PSD3: variants seen among roughly 807,000 people sequenced by gnomAD.
The protein encoded by PSD3 is PH and SEC7 domain-containing protein 3.
Under a neutral mutation model 105.5 loss-of-function variants are expected in PSD3, and 49 were observed. That is an observed-to-expected ratio of 0.46 (90% CI 0.37 to 0.59). The LOEUF (loss-of-function observed/expected upper bound fraction) is 0.59, where lower values mean the gene tolerates loss of function less well. Among genes scored for constraint, PSD3 ranks in the 20% least tolerant of loss-of-function variants. The pLI is 0.00. For synonymous variants in PSD3, 557 were observed against 457.8 expected, an observed-to-expected ratio of 1.22 and a Z score of -2.77; for missense variants, 1,561 against 1,263.8, an observed-to-expected ratio of 1.24 and a Z score of -3.57.
intron 1 of PSD3, among the ~76,000 whole-genome samples, chr8:18,987,001 T>C (rs962622745): frequency 6.6e-6 from 1 of 152,190 alleles, no homozygotes. Context: ...CGCCAAGGTC[T>C]GATCTTTTCA....
intron 12 of PSD3, among the ~76,000 whole-genome samples, chr8:18,582,984 C>A: frequency 6.6e-6 from 1 of 152,114 alleles, no homozygotes; most frequent in Non-Finnish European, 1.5e-5. Context: ...CGTGCCACCA[C>A]GCCTGGCTAA....
intron 11 of PSD3, among the ~76,000 whole-genome samples, chr8:18,604,205 T>G (rs902980849): frequency 6.6e-6 from 1 of 152,166 alleles, no homozygotes; most frequent in African/African-American, 2.4e-5. Context: ...GGCAGTGATA[T>G]GGACAGCAAA....
chr8:18,708,321 C>T (rs1472821400), intron 9 of PSD3, among the ~76,000 whole-genome samples: 1 of 152,166 alleles, frequency 6.6e-6, no homozygotes, highest in African/African-American at 2.4e-5. Context: ...AAATAAGAGA[C>T]TGTGGTAAAG....
intron 4 of PSD3, among the ~76,000 whole-genome samples, chr8:18,831,387 C>T (rs549407464): frequency 2.0e-5 from 3 of 152,266 alleles, no homozygotes; most frequent in African/African-American, 7.2e-5. Flanking sequence ...GTTTGATCAC[C>T]GTATTTTTAG....
intron 15 of PSD3, among the ~76,000 whole-genome samples, chr8:18,541,228 G>C (rs952723410): frequency 6.7e-6 from 1 of 149,620 alleles, no homozygotes; most frequent in Non-Finnish European, 1.5e-5. Context: ...TGAGGGTAAG[G>C]ACTTTGCGTT....
chr8:19,068,527 G>A (rs1426227637), intron 1 of PSD3, among the ~76,000 whole-genome samples: 1 of 152,098 alleles, frequency 6.6e-6, no homozygotes, highest in Non-Finnish European at 1.5e-5. Context: ...CTGGCCTCAA[G>A]CAATCCTTCC....
chr8:18,790,592 A>G (rs781220887), intron 8 of PSD3, among the ~76,000 whole-genome samples: 4 of 151,982 alleles, frequency 2.6e-5, no homozygotes, highest in Non-Finnish European at 2.9e-5. Flanking sequence ...GTGAGCCACT[A>G]CGCCTGGCCA....
chr8:19,060,563 G>A (rs142161897), intron 1 of PSD3, among the ~76,000 whole-genome samples: 1 of 152,300 alleles, frequency 6.6e-6, no homozygotes, highest in East Asian at 1.9e-4. Context: ...GAGCCCAGGA[G>A]TTCAAGGCTA....
chr8:18,721,533 T>A (rs536807430), intron 9 of PSD3, among the ~76,000 whole-genome samples: 1 of 152,322 alleles, frequency 6.6e-6, no homozygotes, highest in South Asian at 2.1e-4. Flanking sequence ...AATAATGCAA[T>A]GTCTCATTTT....
intron 4 of PSD3, among the ~76,000 whole-genome samples, chr8:18,858,303 CT>C (rs931150463): frequency 6.6e-6 from 1 of 152,170 alleles, no homozygotes; most frequent in Non-Finnish European, 1.5e-5. Context: ...TAAAAACAAA[CT>C]TTATTGCTAA....
At chr8:18,582,556 ACC>A (rs1258733869) in intron 12 of PSD3, among the ~76,000 whole-genome samples, 1 of 152,056 alleles carries the variant, frequency 6.6e-6, no homozygotes, top group East Asian at 1.9e-4. Context: ...GGCTTAAATT[ACC>A]AATTTTTTGT....
chr8:18,750,350 G>T (rs10111500), intron 9 of PSD3, among the ~76,000 whole-genome samples: 5,431 of 152,116 alleles, frequency 0.036, 234 homozygotes, highest in East Asian at 0.2. Context: ...GCTGGCTCAG[G>T]AGTGAAGCTG....
chr8:18,970,935 C>T (rs564017721), intron 1 of PSD3, among the ~76,000 whole-genome samples: 114 of 150,816 alleles, frequency 7.6e-4, no homozygotes, highest in Middle Eastern at 3.4e-3. Context: ...GCCGAGATCA[C>T]ACCACTGCAC....
chr8:18,809,006 A>C, intron 4 of PSD3: 1 of 1,154,814 alleles, frequency 8.7e-7, no homozygotes, highest in African/African-American at 1.6e-5. Context: ...CCAGAACACA[A>C]GGGCCACTGT....
At chr8:18,737,231 C>A (rs561831381) in intron 9 of PSD3, among the ~76,000 whole-genome samples, 4 of 152,166 alleles carry the variant, frequency 2.6e-5, no homozygotes, top group Non-Finnish European at 5.9e-5. Context: ...CTGAGAAACA[C>A]TGCATTAGTT....
chr8:18,882,846 T>TAC (rs139256546), intron 2 of PSD3, among the ~76,000 whole-genome samples: 2,528 of 150,212 alleles, frequency 0.017, 67 homozygotes, highest in African/African-American at 0.05. Flanking sequence ...TAGATATATA[T>TAC]ACACACACAC....
chr8:18,691,351 C>T lies in PSD3; in HGVS notation c.2173-35666G>A, dbSNP rs189510751. Among the ~76,000 whole-genome samples the T allele has an allele frequency of 6.0e-4, 92 of 152,300 alleles. 3 individuals are homozygous for T. In the East Asian group the frequency reaches 9.5e-3, roughly 16 times the overall value. ...AAGTACGGACAATGCAGAACAAAGA[C>T]GGCCTCTGTGTGTTCACACACTTAA... On this transcript the variant is annotated intron_variant, in intron 9 of 15. Coordinates refer to ENST00000327040, the MANE Select transcript of PSD3 (RefSeq NM_015310.4).
rs774337822 is a variant in PSD3 at position 18,993,625 on chromosome 8, ATTC to A, written c.21+19935_21+19937del. ...ATGAGTATTAGAGCTTATCCCCCCA[ATTC>A]AGTTGTATGCTTTAGCTCTCAATAA... On this transcript the variant is annotated intron_variant, in intron 1 of 15. Coordinates refer to ENST00000327040, the MANE Select transcript of PSD3 (RefSeq NM_015310.4). 9.1e-4 allele frequency among the ~76,000 whole-genome samples: 138 copies of A among 152,096 alleles called. 3 individuals are homozygous for A. The highest frequency in any genetic ancestry group is 3.4e-3 in the Middle Eastern group (1 of 292).
In PSD3 at chr8:19,044,511, T is replaced by C. The variant is rs1828245775; in HGVS notation, c.324+39695A>G. ...CATGATTGTTGAATAGATTAAATAA[T>C]ATTATATCAATTATATCCTAGAAAG... On this transcript the variant is annotated intron_variant, in intron 1 of 1. Transcript: ENST00000521475. 4.6e-5 allele frequency among the ~76,000 whole-genome samples: 7 copies of C among 152,242 alleles called. No homozygotes were observed. The South Asian group carries it at 1.4e-3, about 31-fold the overall frequency.
Sources: allele counts gnomAD v4.1 joint callset (sites outside exome capture counted in the v4.1 genomes callset), GRCh38; gene constraint gnomAD v4.1.1; transcripts MANE v1.5; gene names NCBI Gene and HGNC (gene_info 2026-07-23, HGNC 2026-07-21).